The following SHISA6 variants were observed in gnomAD, a reference collection of about 807,000 sequenced individuals.
The protein encoded by SHISA6 is shisa family member 6.
In SHISA6, 22 loss-of-function variants were observed where a neutral mutation model predicts 47.9. The ratio of observed to expected loss-of-function variants is 0.46; its 90% CI spans 0.33 to 0.66. The LOEUF (loss-of-function observed/expected upper bound fraction) is 0.66, where lower values mean the gene tolerates loss of function less well. Among genes scored for constraint, SHISA6 ranks in the 30% least tolerant of loss-of-function variants. The probability of loss-of-function intolerance (pLI) is 0.02; values close to 1 mark genes in which losing one functional copy is unlikely to be tolerated. For missense variants in SHISA6, 680 were observed against 764.6 expected, an observed-to-expected ratio of 0.89 and a Z score of 1.30; for synonymous variants, 388 against 337.8, an observed-to-expected ratio of 1.15 and a Z score of -1.63.
chr17:11,334,430 A>G (rs2142207416), intron 2 of SHISA6, among the ~76,000 whole-genome samples: 1 of 152,322 alleles, frequency 6.6e-6, no homozygotes, highest in Middle Eastern at 3.4e-3. Flanking sequence ...CACTGTCTGC[A>G]TTCGACTCAC....
intron 3 of SHISA6, among the ~76,000 whole-genome samples, chr17:11,515,500 A>G (rs2071578606): frequency 6.6e-6 from 1 of 151,896 alleles, no homozygotes; most frequent in African/African-American, 2.4e-5. Context: ...TTATTGAGGG[A>G]GTTTTCTCAG....
chr17:11,453,746 T>C (rs1308920319), intron 3 of SHISA6, among the ~76,000 whole-genome samples: 3 of 152,202 alleles, frequency 2.0e-5, no homozygotes, highest in African/African-American at 7.2e-5. Flanking sequence ...TATCAAAGCA[T>C]ACAATAGCAT....
intron 1 of SHISA6, 64 bp from the exon 2 acceptor site, chr17:11,263,302 A>C (rs527737470): frequency 6.6e-7 from 1 of 1,512,940 alleles, no homozygotes; most frequent in African/African-American, 1.4e-5. Context: ...AAGTAAGCCA[A>C]CTCCCCTCAT....
intron 2 of SHISA6, among the ~76,000 whole-genome samples, chr17:11,354,611 C>G (rs1326798135): frequency 6.6e-6 from 1 of 152,174 alleles, no homozygotes; most frequent in African/African-American, 2.4e-5. Context: ...CCCTGGGCAT[C>G]TAGAGATTGG....
chr17:11,370,230 CA>C (rs1912591192), intron 2 of SHISA6, among the ~76,000 whole-genome samples: 1 of 152,134 alleles, frequency 6.6e-6, no homozygotes, highest in Non-Finnish European at 1.5e-5. Context: ...GTATGGTTTT[CA>C]AACACTGTAT....
rs147177220 is a variant in SHISA6, at chr17:11,464,642, C to T, written c.895+85133C>T. ...CATGTTCTCAGGCAAAGAAAATAAT[C>T]AAGCCAAAAGAAATCCCTGGCCGGG... On this transcript the variant is annotated intron_variant, in intron 3 of 5. Coordinates refer to ENST00000441885, the MANE Select transcript of SHISA6 (RefSeq NM_207386.4). Among the ~76,000 whole-genome samples the T allele has an allele frequency of 5.7e-3, 870 of 152,236 alleles. 7 individuals carry two copies. Among genetic ancestry groups the T allele is most frequent in the African/African-American group, 0.02 (816 of 41,540 alleles).
intron 2 of SHISA6, among the ~76,000 whole-genome samples, chr17:11,324,656 T>A (rs1407398640): frequency 1.3e-5 from 2 of 152,130 alleles, no homozygotes; most frequent in Non-Finnish European, 2.9e-5. Flanking sequence ...TTCGTTCAAC[T>A]CCTCAAGACC....
Position 11,558,611 on chromosome 17 carries a change from C to T in SHISA6, c.*307C>T, listed in dbSNP as rs1165836233. ...ACCTTCACCAACTCCCTTTCCGTCC[C>T]GCGCCTCCTTCTCCCCATCCGGGGG... On this transcript the variant is annotated 3_prime_UTR_variant, in exon 6 of 6. Transcript: ENST00000441885. The T allele has an allele frequency of 2.7e-5, 11 of 409,478 alleles. No individual in the cohort carries two copies. Among genetic ancestry groups the T allele is most frequent in the Non-Finnish European group, 4.0e-5 (9 of 224,222 alleles). The allele number at this position is 409,478 out of a possible 1,614,324, so 25.4% of individuals were successfully genotyped here. A position where few individuals can be genotyped will look rare whatever the true frequency, so the allele number is the denominator to read the frequency against.
intron 2 of SHISA6, among the ~76,000 whole-genome samples, chr17:11,269,433 T>A (rs1908558524): frequency 6.6e-6 from 1 of 152,122 alleles, no homozygotes; most frequent in Non-Finnish European, 1.5e-5. Context: ...GACTGGGAGC[T>A]TCGCTTCCAT....
At chr17:11,377,850 T>C (rs1597483611) in intron 2 of SHISA6, among the ~76,000 whole-genome samples, 1 of 152,218 alleles carries the variant, frequency 6.6e-6, no homozygotes, top group African/African-American at 2.4e-5. Flanking sequence ...CCCCACTCAA[T>C]TGAATCAGAA....
rs1035462835 is a variant in SHISA6 at position 11,323,816 on chromosome 17, G to A, written c.800-55598G>A. ...CTTACGCTCCAGGGGCCTCAGCATG[G>A]GTATAGTACCCTCATCCACAGTCTC... On this transcript the variant is annotated intron_variant, in intron 2 of 5. Transcript: ENST00000441885. Among the ~76,000 whole-genome samples the A allele has an allele frequency of 1.8e-4, 27 of 151,974 alleles. 1 individual carries two copies. The highest frequency in any genetic ancestry group is 3.4e-3 in the Middle Eastern group (1 of 294).
chr17:11,536,246 A>G (rs768471959), intron 3 of SHISA6, among the ~76,000 whole-genome samples: 1 of 152,178 alleles, frequency 6.6e-6, no homozygotes, highest in Non-Finnish European at 1.5e-5. Flanking sequence ...CACTCATAGC[A>G]TTACTGGGTA....
intron 3 of SHISA6, among the ~76,000 whole-genome samples, chr17:11,406,955 G>A (rs774738447): frequency 2.6e-5 from 4 of 152,144 alleles, no homozygotes; most frequent in East Asian, 1.9e-4. Flanking sequence ...GTTCTGGAAC[G>A]ATCCTGCTGC....
intron 1 of SHISA6, among the ~76,000 whole-genome samples, chr17:11,252,405 C>T (rs958905487): frequency 1.6e-4 from 24 of 152,192 alleles, no homozygotes; most frequent in African/African-American, 4.1e-4. Context: ...TTCTGGGAAG[C>T]GTGTTTTCCA....
chr17:11,312,636 A>G (rs147085909), intron 2 of SHISA6, among the ~76,000 whole-genome samples: 1 of 152,348 alleles, frequency 6.6e-6, no homozygotes, highest in East Asian at 1.9e-4. Flanking sequence ...ATAAAACAAT[A>G]TAAGCATATA....
At chr17:11,514,152 T>A (rs1597561941) in intron 3 of SHISA6, among the ~76,000 whole-genome samples, 1 of 152,164 alleles carries the variant, frequency 6.6e-6, no homozygotes, top group Non-Finnish European at 1.5e-5. Context: ...GACGGCCCTA[T>A]TGTACCTTAG....
intron 1 of SHISA6, among the ~76,000 whole-genome samples, chr17:11,261,987 G>A (rs932969024): frequency 4.6e-5 from 7 of 152,200 alleles, no homozygotes; most frequent in African/African-American, 1.4e-4. Context: ...TTGGTATTAT[G>A]TGGCTTTTTG....
At chr17:11,556,642 C>G (rs2142391281) in intron 5 of SHISA6, among the ~76,000 whole-genome samples, 1 of 152,168 alleles carries the variant, frequency 6.6e-6, no homozygotes, top group Non-Finnish European at 1.5e-5. Context: ...AGAAGTGCAG[C>G]CCAAGTCCAC....
At chr17:11,359,073 T>C (rs2142227616) in intron 2 of SHISA6, among the ~76,000 whole-genome samples, 1 of 152,364 alleles carries the variant, frequency 6.6e-6, no homozygotes, top group South Asian at 2.1e-4. Flanking sequence ...ATTTTGGCTA[T>C]TGAGAATAAT....
Sources: allele counts gnomAD v4.1 joint callset (sites outside exome capture counted in the v4.1 genomes callset), GRCh38; gene constraint gnomAD v4.1.1; transcripts MANE v1.5; gene names NCBI Gene and HGNC (gene_info 2026-07-23, HGNC 2026-07-21).